LMBRD1: variants seen among roughly 807,000 people sequenced by gnomAD.
The protein encoded by LMBRD1 is lysosomal cobalamin transport escort protein LMBD1.
A neutral mutation model predicts 74.8 loss-of-function variants in LMBRD1; 64 were observed. That is an observed-to-expected ratio of 0.86 (90% CI 0.70 to 1.05). The LOEUF (loss-of-function observed/expected upper bound fraction) is 1.05, where lower values mean the gene tolerates loss of function less well. Among genes scored for constraint, LMBRD1 ranks in the 50% least tolerant of loss-of-function variants. The pLI, the probability that LMBRD1 is intolerant of heterozygous loss-of-function variation, is 0.00. For synonymous variants in LMBRD1, 204 were observed against 216.3 expected (o/e 0.94, Z 0.50); for missense variants, 652 against 645.9 (o/e 1.01, Z -0.10).
At chr6:69,779,185 C>CAAAAAAAAAAAAAAAAAAAAAA (rs11397050) in intron 3 of LMBRD1, among the ~76,000 whole-genome samples, 3 of 100,150 alleles carry the variant, frequency 3.0e-5, no homozygotes, top group African/African-American at 1.3e-4. Context: ...GACTCAGTCT[C>CAAAAAAAAAAAAAAAAAAAAAA]AAAAAAAAAA....
chr6:69,775,544 T>C (rs1562122105), intron 3 of LMBRD1, among the ~76,000 whole-genome samples: 1 of 152,202 alleles, frequency 6.6e-6, no homozygotes, highest in Non-Finnish European at 1.5e-5. Flanking sequence ...GCTGCCCCTT[T>C]ACAGGAATCA....
At chr6:69,690,577 G>C (rs192124298) in intron 14 of LMBRD1, among the ~76,000 whole-genome samples, 3 of 151,984 alleles carry the variant, frequency 2.0e-5, no homozygotes, top group Admixed American at 6.6e-5. Context: ...GATTTTTAAA[G>C]GTTATTTTTA....
chr6:69,716,633 C>G (rs1282512993), intron 8 of LMBRD1, among the ~76,000 whole-genome samples: 2 of 152,038 alleles, frequency 1.3e-5, no homozygotes, highest in Non-Finnish European at 2.9e-5. Flanking sequence ...CATAATTCTT[C>G]AAGCTACATA....
chr6:69,711,015 A>G (rs1766371001), intron 9 of LMBRD1, among the ~76,000 whole-genome samples: 2 of 152,214 alleles, frequency 1.3e-5, no homozygotes, highest in Non-Finnish European at 2.9e-5. Context: ...TGTTCATATT[A>G]GCATTATTCA....
chr6:69,710,469 A>G (rs961722948), intron 9 of LMBRD1, among the ~76,000 whole-genome samples: 6 of 152,166 alleles, frequency 3.9e-5, no homozygotes, highest in Non-Finnish European at 8.8e-5. Flanking sequence ...ATATGAACCA[A>G]AAATAGACAT....
intron 5 of LMBRD1, among the ~76,000 whole-genome samples, chr6:69,744,935 C>A (rs899707975): frequency 6.6e-6 from 1 of 151,908 alleles, no homozygotes; most frequent in Non-Finnish European, 1.5e-5. Context: ...CTCTGCCTCC[C>A]GGGTTCAAGC....
At chr6:69,729,980 A>G (rs891971644) in intron 7 of LMBRD1, among the ~76,000 whole-genome samples, 19 of 151,976 alleles carry the variant, frequency 1.3e-4, no homozygotes, top group Non-Finnish European at 2.6e-4. Flanking sequence ...ATGTACAAAA[A>G]GGCTATCCTT....
intron 5 of LMBRD1, chr6:69,745,798 G>A (rs968823209): frequency 2.6e-5 from 4 of 152,498 alleles, no homozygotes; most frequent in Non-Finnish European, 4.4e-5. Flanking sequence ...TTCATATGTT[G>A]CTGGCTCTCT....
intron 14 of LMBRD1, 151 bp downstream of exon 14, chr6:69,697,412 A>C (rs1192235363): frequency 1.6e-6 from 1 of 608,160 alleles, no homozygotes; most frequent in East Asian, 2.7e-5. Flanking sequence ...CATCAACAAG[A>C]AATTCTACTG....
chr6:69,762,407 T>TCAAGAC (rs1176400188), intron 3 of LMBRD1, among the ~76,000 whole-genome samples: 1 of 150,078 alleles, frequency 6.7e-6, no homozygotes, highest in Admixed American at 6.6e-5. Context: ...AGCCAGGAGT[T>TCAAGAC]CAAGACCAGC....
chr6:69,764,067 G>T (rs886155713), intron 3 of LMBRD1, among the ~76,000 whole-genome samples: 1 of 152,124 alleles, frequency 6.6e-6, no homozygotes, highest in African/African-American at 2.4e-5. Context: ...TAACACTCTT[G>T]GGGCTGTTAG....
At chr6:69,765,770 A>G (rs1765463821) in intron 3 of LMBRD1, among the ~76,000 whole-genome samples, 1 of 152,106 alleles carries the variant, frequency 6.6e-6, no homozygotes, top group African/African-American at 2.4e-5. Context: ...GGAATTGTTT[A>G]TTTAAATCTT....
At chr6:69,710,307 A>C (rs1482025093) in intron 9 of LMBRD1, among the ~76,000 whole-genome samples, 1 of 152,138 alleles carries the variant, frequency 6.6e-6, no homozygotes, top group Non-Finnish European at 1.5e-5. Flanking sequence ...TCCACATAGA[A>C]AATAAAATGA....
intron 7 of LMBRD1, among the ~76,000 whole-genome samples, chr6:69,736,532 A>G (rs1194082466): frequency 2.6e-5 from 4 of 152,168 alleles, no homozygotes; most frequent in Non-Finnish European, 5.9e-5. Flanking sequence ...GGCAGGTTAC[A>G]AGTAGGGTAA....
chr6:69,764,950 G>A (rs1765449466), intron 3 of LMBRD1, among the ~76,000 whole-genome samples: 1 of 148,306 alleles, frequency 6.7e-6, no homozygotes, highest in Non-Finnish European at 1.5e-5. Flanking sequence ...TTTAATTTGA[G>A]ATGGAGTCTT....
intron 14 of LMBRD1, among the ~76,000 whole-genome samples, chr6:69,693,784 C>T (rs1204915220): frequency 6.6e-6 from 1 of 151,812 alleles, no homozygotes. Context: ...AATCCAATGT[C>T]CTAATCTGGT....
At chr6:69,764,399 G>A (rs1050592426) in intron 3 of LMBRD1, among the ~76,000 whole-genome samples, 3 of 152,070 alleles carry the variant, frequency 2.0e-5, no homozygotes, top group Admixed American at 1.3e-4. Context: ...CTATCTATAA[G>A]CATGGAAGAA....
chr6:69,770,414 T>C (rs934969492), intron 3 of LMBRD1, among the ~76,000 whole-genome samples: 1 of 152,232 alleles, frequency 6.6e-6, no homozygotes, highest in African/African-American at 2.4e-5. Context: ...TGTATGTCTT[T>C]CATTGATTGC....
At chr6:69,757,994 A>C (rs1425506882) in intron 3 of LMBRD1, among the ~76,000 whole-genome samples, 1 of 152,200 alleles carries the variant, frequency 6.6e-6, no homozygotes, top group Non-Finnish European at 1.5e-5. Context: ...ACTTATCGAG[A>C]ACTAGCAAAA....
Sources: gnomAD v4.1 joint callset for allele counts (sites outside exome capture counted in the v4.1 genomes callset) on GRCh38, gnomAD v4.1.1 for gene constraint, MANE v1.5 for transcripts, NCBI Gene and HGNC (gene_info 2026-07-23, HGNC 2026-07-21) for gene names.